The following EFCAB6 variants were observed in gnomAD, a reference collection of about 807,000 sequenced individuals.
The protein encoded by EFCAB6 is EF-hand calcium binding domain 6.
EFCAB6 carries 156 observed loss-of-function variants against 169.8 expected under a neutral mutation model. The observed-to-expected ratio is 0.92, with a 90% CI of 0.81 to 1.05. The LOEUF is 1.05. EFCAB6 is among the 50% of genes least tolerant of loss of function. The probability of loss-of-function intolerance (pLI) is 0.00; values close to 1 mark genes in which losing one functional copy is unlikely to be tolerated. For missense variants in EFCAB6, 1,800 were observed against 1,829.1 expected (o/e 0.98, Z 0.29); for synonymous variants, 698 against 676.4 (o/e 1.03, Z -0.50).
chr22:43,537,648 G>A lies in EFCAB6; in HGVS notation c.3880-103C>T. The A allele has an allele frequency of 7.9e-7, 1 of 1,268,000 alleles. No individual in the cohort carries two copies. The highest frequency in any genetic ancestry group is 1.1e-6 in the Non-Finnish European group (1 of 942,100). The allele number at this position is 1,268,000 out of a possible 1,614,324, so 78.5% of individuals were successfully genotyped here. On this transcript the variant is annotated intron_variant, in intron 28 of 31. Coordinates refer to ENST00000262726, the MANE Select transcript of EFCAB6 (RefSeq NM_022785.4). The surrounding 1 kb of genome is among the most constrained non-coding windows in gnomAD (Gnocchi z 4.3). ...AGTTTTGAGGTTCACAATTTTAGAG[G>A]CAGAATTAGCCCAGAAATAAAATGA...
At chr22:43,667,026 T>C (rs2057293104) in intron 17 of EFCAB6, 78 bp downstream of exon 17, 1 of 1,493,304 alleles carries the variant, frequency 6.7e-7, no homozygotes, top group Non-Finnish European at 9.0e-7. Flanking sequence ...GATAAGCCAT[T>C]GTCCTTTAAA....
chr22:43,713,662 C>T (rs1034757162), intron 9 of EFCAB6, among the ~76,000 whole-genome samples: 1 of 152,172 alleles, frequency 6.6e-6, no homozygotes, highest in African/African-American at 2.4e-5. Flanking sequence ...CATCTGTGGA[C>T]CAGAAGCTAA....
chr22:43,578,785 C>CGCAGGCATCATTCCCTACAT (rs1309439521), intron 25 of EFCAB6, among the ~76,000 whole-genome samples: 3 of 149,374 alleles, frequency 2.0e-5, no homozygotes, highest in Non-Finnish European at 3.0e-5. Flanking sequence ...ATACCCTACA[C>CGCAGGCATCATTCCCTACAT]GCAGGCATCA....
chr22:43,648,372 C>T (rs935216684), intron 17 of EFCAB6, among the ~76,000 whole-genome samples: 1 of 152,120 alleles, frequency 6.6e-6, no homozygotes, highest in Non-Finnish European at 1.5e-5. Context: ...GAATACTACA[C>T]TGCCATAAAA....
At chr22:43,529,796 C>G (rs2046950156) in intron 31 of EFCAB6, among the ~76,000 whole-genome samples, 1 of 152,214 alleles carries the variant, frequency 6.6e-6, no homozygotes, top group African/African-American at 2.4e-5. Flanking sequence ...TCTGACCTTC[C>G]TACCTCTGGA....
intron 29 of EFCAB6, chr22:43,535,405 C>T (rs1439945009): frequency 6.6e-6 from 1 of 152,582 alleles, no homozygotes; most frequent in Non-Finnish European, 1.5e-5. Context: ...ACAACTTATT[C>T]TGGATACAGG....
intron 17 of EFCAB6, among the ~76,000 whole-genome samples, chr22:43,643,892 C>T (rs560006126): frequency 4.0e-5 from 6 of 151,880 alleles, no homozygotes; most frequent in South Asian, 2.1e-4. Context: ...AGCGTGATCT[C>T]GGCTCACTGC....
chr22:43,682,709 G>A (rs1055840589), intron 12 of EFCAB6, among the ~76,000 whole-genome samples: 1 of 152,156 alleles, frequency 6.6e-6, no homozygotes, highest in Non-Finnish European at 1.5e-5. Context: ...TCATAATCAT[G>A]TTTGCCTCAC....
At chr22:43,694,097 A>G (rs1399708628) in intron 10 of EFCAB6, among the ~76,000 whole-genome samples, 3 of 152,002 alleles carry the variant, frequency 2.0e-5, no homozygotes, top group Non-Finnish European at 4.4e-5. Flanking sequence ...GAACCCAACC[A>G]ATATGAAGAA....
At chr22:43,704,155 C>G (rs946121681) in intron 10 of EFCAB6, among the ~76,000 whole-genome samples, 1 of 151,688 alleles carries the variant, frequency 6.6e-6, no homozygotes, top group Non-Finnish European at 1.5e-5. Context: ...ACAAAGAGGT[C>G]CCAACATGAC....
chr22:43,667,254 A>T lies in EFCAB6; in HGVS notation c.1833T>A (p.Asp611Glu), dbSNP rs1456787435. 1 of 1,613,818 alleles carries T rather than the reference A, an allele frequency of 6.2e-7. No individual in the cohort carries two copies. Among genetic ancestry groups the T allele is most frequent in the East Asian group, 2.2e-5 (1 of 44,872 alleles). Residue 611 changes from aspartate to glutamate, a missense_variant, in exon 17 of 32, where the codon GAT (aspartate) becomes GAA (glutamate). By Grantham distance (45) the Asp-to-Glu change is conservative (BLOSUM62 2). Coordinates refer to ENST00000262726, the MANE Select transcript of EFCAB6 (RefSeq NM_022785.4). Reference protein sequence around the residue: ...DLSERTKLTEDKTTLTKKMTT... With the variant: ...DLSERTKLTEEKTTLTKKMTT... ...TCATCTTCTTGGTCAGGGTGGTTTT[A>T]TCCTCCGTGAGCTTGGTTCTAAAAT...
At chr22:43,631,059 G>C (rs934694205) in intron 19 of EFCAB6, among the ~76,000 whole-genome samples, 2 of 151,990 alleles carry the variant, frequency 1.3e-5, no homozygotes, top group Non-Finnish European at 2.9e-5. Flanking sequence ...GATCAGTCTG[G>C]GGAGGTGCCT....
At chr22:43,600,409 AT>A in intron 22 of EFCAB6, 146 bp from the exon 23 acceptor site, 3 of 766,980 alleles carry the variant, frequency 3.9e-6, no homozygotes, top group Non-Finnish European at 6.3e-6. Context: ...GGCCAGCGGA[AT>A]CAGCCCCGCC....
chr22:43,643,332 G>A (rs564526323), intron 17 of EFCAB6, among the ~76,000 whole-genome samples: 13 of 152,320 alleles, frequency 8.5e-5, no homozygotes, highest in Middle Eastern at 3.4e-3. Flanking sequence ...CGAGTTGGTC[G>A]GACTCCACGG....
At chr22:43,784,182 GT>G (rs1352949210) in intron 2 of EFCAB6, among the ~76,000 whole-genome samples, 2 of 152,134 alleles carry the variant, frequency 1.3e-5, no homozygotes, top group Non-Finnish European at 2.9e-5. Context: ...AAAGAAAAGA[GT>G]AGAGTGAAAT....
intron 30 of EFCAB6, 43 bp downstream of exon 30, chr22:43,534,645 C>G (rs774015973): frequency 6.5e-7 from 1 of 1,547,490 alleles, no homozygotes; most frequent in East Asian, 2.3e-5. Context: ...TGAAAGCGCC[C>G]CTTTCCACCT....
chr22:43,694,441 C>T (rs548697580), intron 10 of EFCAB6, among the ~76,000 whole-genome samples: 1 of 152,000 alleles, frequency 6.6e-6, no homozygotes, highest in African/African-American at 2.4e-5. Flanking sequence ...AAACATTTCC[C>T]AACACATGTC....
chr22:43,683,901 A>C lies in EFCAB6; in HGVS notation c.1143-46T>G, dbSNP rs372687024. On this transcript the variant is annotated intron_variant, in intron 11 of 31. Transcript: ENST00000262726. ...AAGCAGGAATAAGATTATGTTCTTG[A>C]ACTTTGTTCTTTTCTTAATGCAAGA... 16 of 1,454,062 alleles carry C rather than the reference A, an allele frequency of 1.1e-5. No homozygotes were observed. The African/African-American group carries it at 2.0e-4, about 18-fold the overall frequency. 90.1% of individuals were successfully genotyped at this position (1,454,062 alleles called of 1,614,324 possible).
chr22:43,753,327 A>G (rs952183074), intron 6 of EFCAB6, among the ~76,000 whole-genome samples: 1 of 152,194 alleles, frequency 6.6e-6, no homozygotes, highest in Non-Finnish European at 1.5e-5. Flanking sequence ...GGGCCAGGAG[A>G]GTGATAGCAA....
Sources: gnomAD v4.1 joint callset for allele counts (sites outside exome capture counted in the v4.1 genomes callset) on GRCh38, gnomAD v4.1.1 for gene constraint, Gnocchi (gnomAD v3.1) non-coding constraint, MANE v1.5 for transcripts, NCBI Gene and HGNC (gene_info 2026-07-23, HGNC 2026-07-21) for gene names.